The following TAF15 variants were observed in gnomAD, a reference collection of about 807,000 sequenced individuals.
The protein encoded by TAF15 is TATA-box binding protein associated factor 15.
A neutral mutation model predicts 102.5 loss-of-function variants in TAF15; 37 were observed. That is an observed-to-expected ratio of 0.36 (90% confidence interval 0.28 to 0.47). TAF15 has a LOEUF of 0.47. Among genes scored for constraint, TAF15 ranks in the 20% least tolerant of loss-of-function variants. The pLI is 0.99. For missense variants in TAF15, 652 were observed against 760.7 expected (o/e 0.86, Z 1.68); for synonymous variants, 273 against 259.2 (o/e 1.05, Z -0.51).
At chr17:35,812,682 G>C (rs2087139739) in intron 1 of TAF15, among the ~76,000 whole-genome samples, 1 of 150,570 alleles carries the variant, frequency 6.6e-6, no homozygotes, top group Admixed American at 6.6e-5. Flanking sequence ...CCTTGCAAAA[G>C]ATATGTTCAT....
At chr17:35,824,424 A>G (rs1420646762) in intron 7 of TAF15, 2 of 558,572 alleles carry the variant, frequency 3.6e-6, no homozygotes, top group Admixed American at 3.2e-5. Flanking sequence ...TATGTGGTAC[A>G]TGTTAAACAC....
chr17:35,842,457 G>T lies in TAF15; in HGVS notation c.1004G>T (p.Arg335Leu). The change falls in exon 12 of 16, where the codon CGA becomes CTA. Residue 335 changes from arginine (R) to leucine (L), a missense_variant and splice_region_variant. Arg to Leu is a moderately radical substitution (Grantham distance 102). Coordinates refer to ENST00000605844, the MANE Select transcript of TAF15 (RefSeq NM_139215.3). ...GGAGGTGGAAGTGGAGGTGGGCGGC[G>T]AGGTAAGATCCTTGCTGCGTACAGT... The part of the protein sequence containing the change: ...MRGGGSGGGR[R>L]GRGGYRGRGG... The T allele has an allele frequency of 6.2e-7, 1 of 1,612,450 alleles. No homozygotes were observed. Among genetic ancestry groups the T allele is most frequent in the Non-Finnish European group, 8.5e-7 (1 of 1,178,530 alleles).
chr17:35,824,083 C>T lies in TAF15; in HGVS notation c.490C>T (p.Arg164Cys), dbSNP rs2087296727. The T allele has an allele frequency of 3.7e-6, 6 of 1,613,812 alleles. No individual in the cohort carries two copies. Among genetic ancestry groups the T allele is most frequent in the Admixed American group, 1.7e-5 (1 of 59,988 alleles). The change falls in exon 7 of 16, where the codon CGT becomes TGT. Residue 164 changes from arginine (R) to cysteine (C), a missense_variant. Physicochemically the swap from Arg to Cys is radical, Grantham distance 180. Transcript: ENST00000605844. The part of the protein sequence containing the change: ...ENYSHHTQDD[R>C]RDVSRYGEDN... ...TAATATTTTCTTTTTTGTAGATGAC[C>T]GTCGTGATGTGAGTAGGTATGGAGA... is the stretch of plus-strand genomic sequence containing the variant.
chr17:35,834,859 C>A (rs572274980), intron 9 of TAF15, among the ~76,000 whole-genome samples: 1 of 150,026 alleles, frequency 6.7e-6, no homozygotes, highest in East Asian at 2.0e-4. Flanking sequence ...AGTTCTCCTG[C>A]GTCTGCCTCC....
chr17:35,818,984 A>C (rs566329013), intron 2 of TAF15, among the ~76,000 whole-genome samples: 3 of 152,162 alleles, frequency 2.0e-5, no homozygotes, highest in Non-Finnish European at 4.4e-5. Flanking sequence ...GTAAAAAGGA[A>C]GTTCTATTTT....
intron 1 of TAF15, chr17:35,816,764 T>C (rs2087199778): frequency 6.6e-6 from 1 of 150,494 alleles, no homozygotes; most frequent in African/African-American, 2.4e-5. Flanking sequence ...TGAGAAAAGC[T>C]CATAGTTCAA....
intron 7 of TAF15, chr17:35,833,652 T>C (rs892443525): frequency 2.3e-6 from 1 of 437,226 alleles, no homozygotes; most frequent in African/African-American, 2.0e-5. Flanking sequence ...TGGCTTGGGG[T>C]TGGGAAGATT....
At chr17:35,844,037 A>T in intron 12 of TAF15, 40 bp from the exon 13 acceptor site, 1 of 1,554,664 alleles carries the variant, frequency 6.4e-7, no homozygotes, top group Non-Finnish European at 8.9e-7. Flanking sequence ...TTTTGTTAAT[A>T]TCTGCTGCTG....
At chr17:35,834,740 CTTTTTTTTTTT>C (rs533058888) in intron 9 of TAF15, 142 bp downstream of exon 9, 5 of 236,450 alleles carry the variant, frequency 2.1e-5, no homozygotes, top group African/African-American at 5.2e-5. Flanking sequence ...AGCTTTATTT[CTTTTTTTTTTT>C]TTTTTTTTTT....
chr17:35,822,434 A>G (rs981523314), intron 5 of TAF15, among the ~76,000 whole-genome samples: 1 of 151,376 alleles, frequency 6.6e-6, no homozygotes, highest in African/African-American at 2.4e-5. Context: ...ATTTTTTTTC[A>G]TAATGTGGCA....
chr17:35,838,044 G>A (rs928085734), intron 10 of TAF15, among the ~76,000 whole-genome samples: 8 of 151,956 alleles, frequency 5.3e-5, no homozygotes, highest in Middle Eastern at 6.3e-3. Flanking sequence ...AAAGCCGGGC[G>A]TGGTGGCACT....
chr17:35,844,255 G>A lies in TAF15; in HGVS notation c.1089-25G>A, dbSNP rs4251782. 1.4e-3 allele frequency: 2,251 copies of A among 1,613,196 alleles called. 46 individuals carry two copies. The African/African-American group carries it at 0.027, about 20-fold the overall frequency. On this transcript the variant is annotated intron_variant, in intron 13 of 15. Transcript: ENST00000605844. ...TGAGTCCATTAGAAACTATATAGGA[G>A]CATTATATTTTCCTCCTTTCTTAGG...
chr17:35,824,384 C>T (rs994435319), intron 7 of TAF15, 186 bp downstream of exon 7: 27 of 768,382 alleles, frequency 3.5e-5, no homozygotes, highest in African/African-American at 3.5e-5. Context: ...ACATAAATGA[C>T]CTTAGAATTG....
At chr17:35,839,682 G>A (rs921191316) in intron 11 of TAF15, among the ~76,000 whole-genome samples, 2 of 151,654 alleles carry the variant, frequency 1.3e-5, no homozygotes, top group Non-Finnish European at 2.9e-5. Context: ...GCACCCGGCC[G>A]AGATGCTTTT....
intron 5 of TAF15, among the ~76,000 whole-genome samples, chr17:35,820,840 C>G (rs562344811): frequency 2.0e-5 from 3 of 152,146 alleles, no homozygotes; most frequent in Admixed American, 6.5e-5. Context: ...TCAAAACTTA[C>G]GCATATATCA....
intron 1 of TAF15, among the ~76,000 whole-genome samples, chr17:35,812,044 CTG>C (rs1032371879): frequency 2.0e-5 from 3 of 152,284 alleles, no homozygotes; most frequent in African/African-American, 7.2e-5. Context: ...GCTCAAGTAA[CTG>C]TGTAGGGACC....
At chr17:35,833,730 A>G (rs181361274) in intron 7 of TAF15, 177 bp from the exon 8 acceptor site, 96 of 626,418 alleles carry the variant, frequency 1.5e-4, no homozygotes, top group Non-Finnish European at 1.7e-4. Context: ...GATCCTTGGG[A>G]AAACACTTAG....
intron 1 of TAF15, chr17:35,810,047 A>G: frequency 4.0e-6 from 1 of 249,864 alleles, no homozygotes; most frequent in Non-Finnish European, 7.9e-6. Flanking sequence ...GGCCTGCCTG[A>G]CTCACCCATT....
rs575815908 is a variant in TAF15 at position 35,816,508 on chromosome 17, C to A, written c.8-1208C>A. Among the ~76,000 whole-genome samples, 9 of 152,216 alleles carry A rather than the reference C, an allele frequency of 5.9e-5. No individual in the cohort carries two copies. In the South Asian group the frequency reaches 1.9e-3, roughly 32 times the overall value. Reference sequence around the variant, plus strand: ...TCTTAAAAAGAAGAAAGAAAAATTTCATTAGGTTTTGGTGTGTTTTAGAAC... The same window carrying A: ...TCTTAAAAAGAAGAAAGAAAAATTTAATTAGGTTTTGGTGTGTTTTAGAAC... On this transcript the variant is annotated intron_variant, in intron 1 of 15. Transcript: ENST00000605844.
Sources: allele counts gnomAD v4.1 joint callset (sites outside exome capture counted in the v4.1 genomes callset), GRCh38; gene constraint gnomAD v4.1.1; transcripts MANE v1.5; gene names NCBI Gene and HGNC (gene_info 2026-07-23, HGNC 2026-07-21).